Variants in AGPS observed in about 807,000 individuals in gnomAD.
AGPS encodes the protein alkylglycerone phosphate synthase, also known as alkyldihydroxyacetonephosphate synthase, peroxisomal.
A neutral mutation model predicts 90.7 loss-of-function variants in AGPS; 26 were observed. That is an observed-to-expected ratio of 0.29 (90% CI 0.21 to 0.40). The LOEUF (loss-of-function observed/expected upper bound fraction) is 0.40, where lower values mean the gene tolerates loss of function less well. AGPS is among the 10% of genes least tolerant of loss of function. AGPS has a pLI of 1.00. For missense variants in AGPS, 540 were observed against 816.1 expected (o/e 0.66, Z 4.12); for synonymous variants, 294 against 285.3 (o/e 1.03, Z -0.31).
At chr2:177,517,315 T>C (rs1409429989) in intron 17 of AGPS, among the ~76,000 whole-genome samples, 1 of 152,180 alleles carries the variant, frequency 6.6e-6, no homozygotes, top group Non-Finnish European at 1.5e-5. Flanking sequence ...AGTCATAGTA[T>C]TTTAAGGCTA....
At chr2:177,483,674 T>C (rs534672548) in intron 11 of AGPS, among the ~76,000 whole-genome samples, 2 of 152,302 alleles carry the variant, frequency 1.3e-5, no homozygotes, top group South Asian at 2.1e-4. Flanking sequence ...GAATACGATA[T>C]TATGGTTAGG....
At chr2:177,448,207 C>CGAG (rs1686833341) in intron 8 of AGPS, among the ~76,000 whole-genome samples, 1 of 152,144 alleles carries the variant, frequency 6.6e-6, no homozygotes, top group Non-Finnish European at 1.5e-5. Context: ...GGGCAAGTTA[C>CGAG]TCACCTTTAA....
At chr2:177,465,706 T>C (rs1428443587) in intron 9 of AGPS, among the ~76,000 whole-genome samples, 1 of 152,184 alleles carries the variant, frequency 6.6e-6, no homozygotes, top group African/African-American at 2.4e-5. Context: ...CCAGGGAATG[T>C]GGTGGTGCCT....
chr2:177,446,870 C>T (rs948767242), intron 8 of AGPS, among the ~76,000 whole-genome samples: 2 of 152,112 alleles, frequency 1.3e-5, no homozygotes, highest in African/African-American at 4.8e-5. Flanking sequence ...TCATTGACAA[C>T]TACTCATTTC....
At chr2:177,430,705 A>G (rs1325345585) in intron 2 of AGPS, among the ~76,000 whole-genome samples, 3 of 151,926 alleles carry the variant, frequency 2.0e-5, no homozygotes, top group Non-Finnish European at 4.4e-5. Context: ...TGATGTGAGA[A>G]CGTGGATATT....
chr2:177,412,084 C>G lies in AGPS; in HGVS notation c.261-8185C>G, dbSNP rs536237826. 3.3e-5 allele frequency among the ~76,000 whole-genome samples: 5 copies of G among 152,132 alleles called. No individual in the cohort carries two copies. In the East Asian group the frequency reaches 9.7e-4, roughly 29 times the overall value. On this transcript the variant is annotated intron_variant, in intron 1 of 19. Coordinates refer to ENST00000264167, the MANE Select transcript of AGPS (RefSeq NM_003659.4). ...GGTTGATAGCCTAGATGCCTAAGGA[C>G]ACAGCATAGAGCTTCATTAGATCCC...
intron 12 of AGPS, among the ~76,000 whole-genome samples, chr2:177,495,745 T>A (rs368788389): frequency 4.3e-5 from 6 of 140,186 alleles, no homozygotes; most frequent in Non-Finnish European, 6.1e-5. Context: ...CTGTCTCTAC[T>A]AAAAAAAAAA....
chr2:177,487,102 T>G (rs189969979), intron 11 of AGPS, among the ~76,000 whole-genome samples: 68 of 152,296 alleles, frequency 4.5e-4, no homozygotes, highest in Non-Finnish European at 9.0e-4. Flanking sequence ...ATAAATAAAA[T>G]TGTTAGTTTG....
chr2:177,506,485 C>T lies in AGPS; in HGVS notation c.1545+910C>T, dbSNP rs1688718504. Among the ~76,000 whole-genome samples, 8 of 151,696 alleles carry T rather than the reference C, an allele frequency of 5.3e-5. No homozygotes were observed. The South Asian group carries it at 1.4e-3, about 27-fold the overall frequency. The stretch of plus-strand genomic sequence containing the variant: ...CCAAATACTAAATTTACTAATTTTT[C>T]TCTTGGAAATTTTGAACCTTATACA... On this transcript the variant is annotated intron_variant, in intron 15 of 19. Transcript: ENST00000264167.
intron 17 of AGPS, among the ~76,000 whole-genome samples, chr2:177,514,880 C>T (rs909101583): frequency 4.0e-5 from 6 of 151,742 alleles, no homozygotes; most frequent in African/African-American, 1.5e-4. Context: ...TTAAAGTAGC[C>T]GTTTCTGCTT....
chr2:177,462,793 C>T (rs1021335287), intron 9 of AGPS, among the ~76,000 whole-genome samples: 6 of 152,080 alleles, frequency 3.9e-5, no homozygotes, highest in African/African-American at 1.2e-4. Flanking sequence ...AGAGGATGTG[C>T]ATAGGTTTTA....
chr2:177,435,138 G>A (rs181073268), intron 3 of AGPS, among the ~76,000 whole-genome samples: 2 of 151,032 alleles, frequency 1.3e-5, no homozygotes, highest in South Asian at 2.1e-4. Flanking sequence ...TTTTGCTGTA[G>A]CATAGTATTC....
rs1344283886 is a variant in AGPS at position 177,539,029 on chromosome 2, G to A, written c.*834G>A. 2 of 151,994 alleles carry A rather than the reference G, an allele frequency of 1.3e-5. No individual in the cohort carries two copies. Among genetic ancestry groups the A allele is most frequent in the Admixed American group, 6.6e-5 (1 of 15,230 alleles). 9.4% of individuals were successfully genotyped at this position (151,994 alleles called of 1,614,324 possible). On this transcript the variant is annotated 3_prime_UTR_variant, in exon 20 of 20. Coordinates refer to ENST00000264167, the MANE Select transcript of AGPS (RefSeq NM_003659.4). ...TTTCTGATTTCACATTCTTGTTGCT[G>A]AAATGCAGAAGAAACAGCTACAGCA...
chr2:177,530,372 A>G (rs2079128036), intron 19 of AGPS, among the ~76,000 whole-genome samples: 1 of 152,262 alleles, frequency 6.6e-6, no homozygotes, highest in Non-Finnish European at 1.5e-5. Context: ...TGCATAAAGC[A>G]GAAACCTTTT....
chr2:177,397,632 C>T (rs1321241156), intron 1 of AGPS, among the ~76,000 whole-genome samples: 1 of 152,088 alleles, frequency 6.6e-6, no homozygotes, highest in Non-Finnish European at 1.5e-5. Context: ...GCAGTTTTTA[C>T]GGAGGTTATA....
intron 2 of AGPS, among the ~76,000 whole-genome samples, chr2:177,433,634 T>C (rs2105625629): frequency 6.6e-6 from 1 of 152,344 alleles, no homozygotes; most frequent in South Asian, 2.1e-4. Flanking sequence ...CATGATATGA[T>C]GTAGGAGCTG....
At chr2:177,459,370 C>T (rs899267637) in intron 8 of AGPS, among the ~76,000 whole-genome samples, 2 of 152,166 alleles carry the variant, frequency 1.3e-5, no homozygotes, top group African/African-American at 4.8e-5. Flanking sequence ...AAACTATCAT[C>T]AGAGTGAACA....
chr2:177,444,922 G>A (rs1452574719), intron 7 of AGPS, among the ~76,000 whole-genome samples: 1 of 152,170 alleles, frequency 6.6e-6, no homozygotes, highest in Non-Finnish European at 1.5e-5. Flanking sequence ...TGAGCCAGAT[G>A]AAATTTAGTT....
chr2:177,420,335 C>T lies in AGPS; in HGVS notation c.327C>T (p.Gly109=), dbSNP rs2105609313. The part of the protein sequence containing the change: ...NDSKFIFNKK[G]QIELTGKRYP... Reference sequence around the variant, plus strand: ...CTAAATTCATCTTCAATAAGAAGGGCCAAATTGAATTGACTGGGAAAAGGT... The same window carrying T: ...CTAAATTCATCTTCAATAAGAAGGGTCAAATTGAATTGACTGGGAAAAGGT... Residue 109 remains glycine (G), a synonymous_variant, in exon 2 of 20, where the codon GGC becomes GGT. Coordinates refer to ENST00000264167, the MANE Select transcript of AGPS (RefSeq NM_003659.4). 6.2e-7 allele frequency: 1 copy of T among 1,608,830 alleles called. No individual in the cohort carries two copies. Among genetic ancestry groups the T allele is most frequent in the Middle Eastern group, 1.7e-4 (1 of 6,040 alleles).
Sources: gnomAD v4.1 joint callset for allele counts (sites outside exome capture counted in the v4.1 genomes callset) on GRCh38, gnomAD v4.1.1 for gene constraint, MANE v1.5 for transcripts, NCBI Gene and HGNC (gene_info 2026-07-23, HGNC 2026-07-21) for gene names.